The following DEPTOR variants were observed in gnomAD, a reference collection of about 807,000 sequenced individuals.
DEPTOR encodes the protein DEP domain containing MTOR interacting protein.
Under a neutral mutation model 41.6 loss-of-function variants are expected in DEPTOR, and 41 were observed. That is an observed-to-expected ratio of 0.98 (90% confidence interval 0.77 to 1.28). DEPTOR has a LOEUF of 1.28. Ranked by LOEUF, DEPTOR falls within the 50% of genes most tolerant of loss-of-function variation. DEPTOR has a pLI of 0.00. For missense variants in DEPTOR, 514 were observed against 527.9 expected (o/e 0.97, Z 0.26); for synonymous variants, 195 against 192.3 (o/e 1.01, Z -0.12).
chr8:120,024,636 C>T (rs1812772046), intron 8 of DEPTOR, among the ~76,000 whole-genome samples: 1 of 152,074 alleles, frequency 6.6e-6, no homozygotes, highest in African/African-American at 2.4e-5. Context: ...TGGAGTGGTG[C>T]ATCTATAAGC....
intron 3 of DEPTOR, among the ~76,000 whole-genome samples, chr8:119,941,211 T>C (rs1828198661): frequency 6.6e-6 from 1 of 151,678 alleles, no homozygotes; most frequent in African/African-American, 2.4e-5. Flanking sequence ...CCATCTCTAC[T>C]AAATACAAAA....
At chr8:119,882,950 C>T (rs114944226) in intron 1 of DEPTOR, among the ~76,000 whole-genome samples, 2,832 of 152,166 alleles carry the variant, frequency 0.019, 87 homozygotes, top group African/African-American at 0.064. Flanking sequence ...AAGTTTATGG[C>T]AGTGATTGTT....
At chr8:120,042,816 G>A (rs1374475895) in intron 8 of DEPTOR, among the ~76,000 whole-genome samples, 3 of 151,952 alleles carry the variant, frequency 2.0e-5, no homozygotes, top group South Asian at 2.1e-4. Flanking sequence ...ACTGTGCCCA[G>A]CGTATTTTTT....
chr8:119,904,965 C>CTTTT lies in DEPTOR; in HGVS notation c.123-23415_123-23412dup, dbSNP rs71304920. The stretch of plus-strand genomic sequence containing the variant: ...CGCTACCATGCCTGGCTAATTTTTG[C>CTTTT]TTTTTTTTTTTTTTTTTTTTTTTGT... On this transcript the variant is annotated intron_variant, in intron 1 of 8. Coordinates refer to ENST00000286234, the MANE Select transcript of DEPTOR (RefSeq NM_022783.4). 3.6e-3 allele frequency among the ~76,000 whole-genome samples: 308 copies of CTTTT among 85,970 alleles called. 5 individuals are homozygous for CTTTT. Among genetic ancestry groups the CTTTT allele is most frequent in the African/African-American group, 5.5e-3 (128 of 23,284 alleles). The allele number at this position is 85,970 out of a possible 152,430, so 56.4% of individuals were successfully genotyped here.
chr8:119,898,873 T>A (rs1221781328), intron 1 of DEPTOR, among the ~76,000 whole-genome samples: 1 of 152,216 alleles, frequency 6.6e-6, no homozygotes, highest in Non-Finnish European at 1.5e-5. Context: ...TCAGCATAGA[T>A]GCCTACCACT....
chr8:120,011,849 C>T (rs569811382), intron 8 of DEPTOR, among the ~76,000 whole-genome samples: 1 of 152,142 alleles, frequency 6.6e-6, no homozygotes, highest in East Asian at 1.9e-4. Flanking sequence ...TGTTTAGTTT[C>T]TTCAGAGGTA....
At chr8:119,952,524 T>C (rs1174621908) in intron 3 of DEPTOR, among the ~76,000 whole-genome samples, 3 of 152,216 alleles carry the variant, frequency 2.0e-5, no homozygotes, top group Admixed American at 2.0e-4. Context: ...TAGGTAATAG[T>C]GTGCCATGGT....
intron 8 of DEPTOR, among the ~76,000 whole-genome samples, chr8:120,048,291 C>A (rs910238274): frequency 1.3e-5 from 2 of 152,170 alleles, no homozygotes; most frequent in Non-Finnish European, 2.9e-5. Flanking sequence ...TCTTCTCATT[C>A]TTTGGCTCAT....
In DEPTOR at chr8:120,049,594, T is replaced by C; in HGVS notation, c.1120T>C (p.Ser374Pro). Residue 374 changes from serine (S) to proline (P), a missense_variant, in exon 9 of 9, where the codon TCT (serine) becomes CCT (proline). Physicochemically the swap from Ser to Pro is moderately conservative, Grantham distance 74. Coordinates refer to ENST00000286234, the MANE Select transcript of DEPTOR (RefSeq NM_022783.4). ...AGMKVCQFVV[S>P]VNGLNVLHVD... ...CCTTTAGGTCTGTCAGTTTGTCGTC[T>C]CTGTCAACGGGCTCAATGTCCTGCA... is the stretch of plus-strand genomic sequence containing the variant. 1 of 1,613,712 alleles carries C rather than the reference T, an allele frequency of 6.2e-7. No individual in the cohort carries two copies. Among genetic ancestry groups the C allele is most frequent in the East Asian group, 2.2e-5 (1 of 44,874 alleles).
chr8:119,938,903 CTCTT>C (rs912154152), intron 3 of DEPTOR, among the ~76,000 whole-genome samples: 1 of 140,774 alleles, frequency 7.1e-6, no homozygotes, highest in African/African-American at 2.5e-5. Context: ...TTCTCTTTCT[CTCTT>C]TCTTTCTCTT....
At chr8:119,971,195 C>T (rs565236085) in intron 4 of DEPTOR, among the ~76,000 whole-genome samples, 34 of 145,392 alleles carry the variant, frequency 2.3e-4, no homozygotes, top group African/African-American at 4.8e-4. Flanking sequence ...ATTGCGCCAC[C>T]GCTCCAGCCT....
chr8:119,999,329 G>GT (rs963621173), intron 4 of DEPTOR, among the ~76,000 whole-genome samples: 1 of 152,016 alleles, frequency 6.6e-6, no homozygotes, highest in African/African-American at 2.4e-5. Context: ...CCAAGCTGTT[G>GT]TGATAATTAA....
intron 1 of DEPTOR, among the ~76,000 whole-genome samples, chr8:119,888,232 A>C (rs1262974260): frequency 6.6e-6 from 1 of 152,002 alleles, no homozygotes; most frequent in South Asian, 2.1e-4. Context: ...AGGAGAAACA[A>C]CTCCTCCAAA....
In DEPTOR at chr8:119,937,314, C is replaced by T. The variant is rs949060997; in HGVS notation, c.425+7376C>T. On this transcript the variant is annotated intron_variant, in intron 3 of 8. Transcript: ENST00000286234. ...ACTTGGGAGGCTGAGGCAGGAGAAT[C>T]GCTTGAACCCGGGAGGCAGAGTTGC... Among the ~76,000 whole-genome samples the T allele has an allele frequency of 1.6e-4, 25 of 151,542 alleles. 1 individual carries two copies. The highest frequency in any genetic ancestry group is 5.1e-4 in the African/African-American group (21 of 41,324).
chr8:119,984,203 G>GCA (rs1416822891), intron 4 of DEPTOR, among the ~76,000 whole-genome samples: 6 of 152,204 alleles, frequency 3.9e-5, no homozygotes, highest in African/African-American at 1.4e-4. Context: ...TTGCATGGAA[G>GCA]CACACATGGC....
intron 1 of DEPTOR, among the ~76,000 whole-genome samples, chr8:119,907,426 T>G (rs964646873): frequency 2.6e-5 from 4 of 152,138 alleles, no homozygotes; most frequent in African/African-American, 9.7e-5. Context: ...CTATAAATAT[T>G]TATTGAGGGC....
At chr8:119,937,261 G>T (rs545279555) in intron 3 of DEPTOR, among the ~76,000 whole-genome samples, 1 of 151,444 alleles carries the variant, frequency 6.6e-6, no homozygotes, top group Non-Finnish European at 1.5e-5. Context: ...TTAGCCAGGC[G>T]TGGTGATGGG....
chr8:119,954,845 G>GGTGTGTGTGTGT lies in DEPTOR; in HGVS notation c.426-10368_426-10357dup, dbSNP rs10649943. Among the ~76,000 whole-genome samples, 444 of 148,056 alleles carry GGTGTGTGTGTGT rather than the reference G, an allele frequency of 3.0e-3. 2 individuals are homozygous for GGTGTGTGTGTGT. Among genetic ancestry groups the GGTGTGTGTGTGT allele is most frequent in the African/African-American group, 9.2e-3 (370 of 40,430 alleles). On this transcript the variant is annotated intron_variant, in intron 3 of 8. Coordinates refer to ENST00000286234, the MANE Select transcript of DEPTOR (RefSeq NM_022783.4). ...TGAGTGCTTGCAGCAGGCAAATATTGGTGTGTGTGTGTGTGTGTGTGTGTG... is the reference window on the plus strand; with the variant it reads ...TGAGTGCTTGCAGCAGGCAAATATTGGTGTGTGTGTGTGTGTGTGTGTGTGTGTGTGTGTGTG...
intron 3 of DEPTOR, among the ~76,000 whole-genome samples, chr8:119,935,595 C>T (rs747698210): frequency 4.6e-5 from 7 of 151,944 alleles, no homozygotes; most frequent in Non-Finnish European, 1.0e-4. Flanking sequence ...GTGGCATGCA[C>T]CTGTAATCCC....
Sources: allele counts gnomAD v4.1 joint callset (sites outside exome capture counted in the v4.1 genomes callset), GRCh38; gene constraint gnomAD v4.1.1; transcripts MANE v1.5; gene names NCBI Gene and HGNC (gene_info 2026-07-23, HGNC 2026-07-21).